ELMO3: variants seen among roughly 807,000 people sequenced by gnomAD.
ELMO3 encodes engulfment and cell motility protein 3.
Under a neutral mutation model 89.0 loss-of-function variants are expected in ELMO3, and 81 were observed. That is an observed-to-expected ratio of 0.91 (90% CI 0.76 to 1.09). The LOEUF (loss-of-function observed/expected upper bound fraction) is 1.09, where lower values mean the gene tolerates loss of function less well. Among genes scored for constraint, ELMO3 ranks in the 50% least tolerant of loss-of-function variants. The pLI, the probability that ELMO3 is intolerant of heterozygous loss-of-function variation, is 0.00. For missense variants in ELMO3, 959 were observed against 972.8 expected, an observed-to-expected ratio of 0.99 and a Z score of 0.19; for synonymous variants, 406 against 400.6, an observed-to-expected ratio of 1.01 and a Z score of -0.16.
Position 67,199,376 on chromosome 16 carries a change from C to G in ELMO3, c.50C>G (p.Ala17Gly), listed in dbSNP as rs368560421. 7.5e-6 allele frequency: 12 copies of G among 1,608,366 alleles called. No homozygotes were observed. The highest frequency in any genetic ancestry group is 1.0e-5 in the Non-Finnish European group (12 of 1,179,124). ...AAGATTGCCATCAAGATGCGTGACG[C>G]CATCCCGCAGCTCATCCAGCTGGAC... ...VVKIAIKMRD[A>G]IPQLIQLDQA... Residue 17 changes from alanine to glycine, a missense_variant, in exon 1 of 20, where the codon GCC (alanine) becomes GGC (glycine). Physicochemically the swap from Ala to Gly is moderately conservative, Grantham distance 60. Transcript: ENST00000393997.
chr16:67,199,744 C>T lies in ELMO3; in HGVS notation c.180C>T (p.Tyr60=), dbSNP rs201581051. Residue 60 remains tyrosine, a synonymous_variant, in exon 3 of 20, where the codon TAC becomes TAT. Transcript: ENST00000393997. ...ALQFADGHRR[Y]ITENNRAEIK... Reference sequence around the variant, plus strand: ...AGTTTGCGGATGGGCACCGGAGATACATCACCGAGAATGTGAGTCCCCTCT... The same window carrying T: ...AGTTTGCGGATGGGCACCGGAGATATATCACCGAGAATGTGAGTCCCCTCT... 19 of 1,611,086 alleles carry T rather than the reference C, an allele frequency of 1.2e-5. No individual in the cohort carries two copies. The highest frequency in any genetic ancestry group is 3.3e-4 in the Middle Eastern group (2 of 6,084).
intron 8 of ELMO3, 48 bp from the exon 9 acceptor site, chr16:67,201,337 G>A (rs780103426): frequency 1.4e-5 from 22 of 1,610,838 alleles, no homozygotes; most frequent in South Asian, 7.7e-5. Flanking sequence ...GATTACAGGC[G>A]TGAGCCACCG....
chr16:67,201,477 C>T (rs2033107331), intron 9 of ELMO3, 42 bp downstream of exon 9: 1 of 1,614,000 alleles, frequency 6.2e-7, no homozygotes, highest in East Asian at 2.2e-5. Flanking sequence ...GCCCCTCCCT[C>T]CCCGTGAGCC....
At position 67,203,291 on chromosome 16, in the gene ELMO3, A is replaced by G. The variant is rs779056003; in HGVS notation, c.1781-36A>G. 2.5e-6 allele frequency: 4 copies of G among 1,588,482 alleles called. No homozygotes were observed. In the Admixed American group the frequency reaches 7.0e-5, roughly 28 times the overall value. On this transcript the variant is annotated intron_variant, in intron 17 of 19. Transcript: ENST00000393997. The surrounding 1 kb of genome is among the most constrained non-coding windows in gnomAD (Gnocchi z 4.6). ...GACCGCCCTGGGCCCCGGGGCTGCC[A>G]GGGCTGCAGTGCTCAGCCCAGCCTT...
chr16:67,202,247 G>T lies in ELMO3; in HGVS notation c.1224G>T (p.Thr408=), dbSNP rs750693515. 6.2e-7 allele frequency: 1 copy of T among 1,605,144 alleles called. No individual in the cohort carries two copies. Among genetic ancestry groups the T allele is most frequent in the Non-Finnish European group, 8.5e-7 (1 of 1,173,790 alleles). Residue 408 remains threonine, a synonymous_variant, in exon 13 of 20, where the codon ACG becomes ACT. Coordinates refer to ENST00000393997, the MANE Select transcript of ELMO3 (RefSeq NM_024712.5). ...CPFARGSIQL[T]VLLCELLRVG... ...TTGCCCGGGGCAGCATCCAGCTGAC[G>T]GTGCTGCTGTGTGAGCTGCTCCGTG... is the stretch of plus-strand genomic sequence containing the variant.
rs2033163901 is a variant in ELMO3, at chr16:67,203,116, C to A, written c.1676-3C>A. The A allele has an allele frequency of 2.5e-6, 4 of 1,607,372 alleles. No individual in the cohort carries two copies. Among genetic ancestry groups the A allele is most frequent in the Non-Finnish European group, 3.4e-6 (4 of 1,177,508 alleles). On this transcript the variant is annotated splice_polypyrimidine_tract_variant and splice_region_variant and intron_variant, in intron 16 of 19. Coordinates refer to ENST00000393997, the MANE Select transcript of ELMO3 (RefSeq NM_024712.5). This position sits in a 1 kb window ranked among gnomAD's most constrained non-coding sequence, Gnocchi z 4.6. ...TCTGGCCCTCTTCCCTTTCTCCACGCAGATAAGCTGTGGTTCTGCTGCCTG... is the reference window on the plus strand; with the variant it reads ...TCTGGCCCTCTTCCCTTTCTCCACGAAGATAAGCTGTGGTTCTGCTGCCTG...
intron 1 of ELMO3, 50 bp downstream of exon 1, chr16:67,199,454 T>C (rs2033043566): frequency 1.3e-6 from 2 of 1,593,916 alleles, no homozygotes; most frequent in African/African-American, 1.3e-5. Context: ...CACCTCCCGG[T>C]AGCCCCCTGG....
chr16:67,203,853 T>C lies in ELMO3; in HGVS notation c.2139T>C (p.Tyr713=). Residue 713 remains tyrosine (Y), a synonymous_variant, in exon 20 of 20, where the codon TAT becomes TAC. Transcript: ENST00000393997. This position sits in a 1 kb window ranked among gnomAD's most constrained non-coding sequence, Gnocchi z 4.6. ...PPPPTNFNFC[Y]DCSIAEP ...CCCCCACCAACTTCAACTTCTGCTA[T>C]GACTGCAGCATCGCTGAACCTTGAC... The C allele has an allele frequency of 6.3e-7, 1 of 1,593,242 alleles. No homozygotes were observed. Among genetic ancestry groups the C allele is most frequent in the Non-Finnish European group, 8.6e-7 (1 of 1,169,240 alleles).
In ELMO3 at chr16:67,199,875, G is replaced by A. The variant is rs964631314; in HGVS notation, c.193-76G>A. 5.6e-6 allele frequency: 9 copies of A among 1,607,920 alleles called. No individual in the cohort carries two copies. The East Asian group carries it at 6.7e-5, about 12-fold the overall frequency. On this transcript the variant is annotated intron_variant, in intron 3 of 19. Coordinates refer to ENST00000393997, the MANE Select transcript of ELMO3 (RefSeq NM_024712.5). ...CGCGATCTGTTATTCACCCCCAGCC[G>A]CCCTCACCGACACCCCAGTTGATCA...
At position 67,202,421 on chromosome 16, in the gene ELMO3, C is replaced by A; in HGVS notation, c.1286C>A (p.Ser429Ter). The change falls in exon 14 of 20, where the codon TCA becomes TAA. Residue 429 changes from serine (S) to a stop codon, truncating the protein, a stop_gained. Transcript: ENST00000393997. LOFTEE classifies it high-confidence loss of function. Reference sequence around the variant, plus strand: ...GGCTCTGAGACAGCCCAGGACTTCTCACCCATGTTCTTCGGCCAAGACCAG... The same window carrying A: ...GGCTCTGAGACAGCCCAGGACTTCTAACCCATGTTCTTCGGCCAAGACCAG... ...EPCSETAQDF[S>*]PMFFGQDQSF... 6.2e-7 allele frequency: 1 copy of A among 1,613,900 alleles called. No homozygotes were observed. Among genetic ancestry groups the A allele is most frequent in the Non-Finnish European group, 8.5e-7 (1 of 1,180,028 alleles).
rs2033042109 is a variant in ELMO3, at chr16:67,199,400, A to C, written c.74A>C (p.Asp25Ala). 6.2e-7 allele frequency: 1 copy of C among 1,606,156 alleles called. No homozygotes were observed. Among genetic ancestry groups the C allele is most frequent in the East Asian group, 2.2e-5 (1 of 44,852 alleles). ...GCCATCCCGCAGCTCATCCAGCTGGACCAGGTCACCCGGCTGGTCCCGCCT... is the reference window on the plus strand; with the variant it reads ...GCCATCCCGCAGCTCATCCAGCTGGCCCAGGTCACCCGGCTGGTCCCGCCT... ...RDAIPQLIQL[D>A]QAKPLAAVLK... Residue 25 changes from aspartate (D) to alanine (A), a missense_variant, in exon 1 of 20, where the codon GAC (aspartate) becomes GCC (alanine). Asp to Ala is a moderately radical substitution (Grantham distance 126). Coordinates refer to ENST00000393997, the MANE Select transcript of ELMO3 (RefSeq NM_024712.5).
At chr16:67,202,570 C>G (rs566724351) in intron 14 of ELMO3, 37 bp downstream of exon 14, 1 of 1,612,322 alleles carries the variant, frequency 6.2e-7, no homozygotes, top group African/African-American at 1.3e-5. Context: ...TGGGCCAGGG[C>G]AGGGGGCTGA....
At chr16:67,202,112 A>G in intron 12 of ELMO3, 34 bp downstream of exon 12, 1 of 1,610,414 alleles carries the variant, frequency 6.2e-7, no homozygotes, top group Non-Finnish European at 8.5e-7. Flanking sequence ...GGGTGGCAGC[A>G]TCCCCCAGGC....
In ELMO3 at chr16:67,201,043, GCCC is replaced by G. The variant is rs151246709; in HGVS notation, c.744+79_744+81del. 10 of 1,380,898 alleles carry G rather than the reference GCCC, an allele frequency of 7.2e-6. No homozygotes were observed. The South Asian group carries it at 8.2e-5, about 11-fold the overall frequency. 85.5% of individuals were successfully genotyped at this position (1,380,898 alleles called of 1,614,324 possible). ...CCCACCCTGAAGCAAAATCCTCTAA[GCCC>G]CCCTTTTTTTTTTTTTTGAGATGGA... On this transcript the variant is annotated intron_variant, in intron 8 of 19. Transcript: ENST00000393997.
rs1395642067 is a variant in ELMO3 at position 67,203,390 on chromosome 16, G to A, written c.1844G>A (p.Gly615Asp). ...GACTGCCCCCATGTCCGGGAGAAGGGCTCCGGGAAGCAGAACAAGGTGAGT... is the reference window on the plus strand; with the variant it reads ...GACTGCCCCCATGTCCGGGAGAAGGACTCCGGGAAGCAGAACAAGGTGAGT... Reference protein sequence around the residue: ...GKDCPHVREKGSGKQNKDLYE... With the variant: ...GKDCPHVREKDSGKQNKDLYE... Residue 615 changes from glycine (G) to aspartate (D), a missense_variant, in exon 18 of 20, where the codon GGC becomes GAC. By Grantham distance (94) the Gly-to-Asp change is moderately conservative. Coordinates refer to ENST00000393997, the MANE Select transcript of ELMO3 (RefSeq NM_024712.5). This position sits in a 1 kb window ranked among gnomAD's most constrained non-coding sequence, Gnocchi z 4.6. 6.2e-7 allele frequency: 1 copy of A among 1,611,414 alleles called. No individual in the cohort carries two copies. The highest frequency in any genetic ancestry group is 1.1e-5 in the South Asian group (1 of 90,806).
chr16:67,202,741 C>G lies in ELMO3; in HGVS notation c.1513C>G (p.Arg505Gly), dbSNP rs745521301. Residue 505 changes from arginine (R) to glycine (G), a missense_variant, in exon 15 of 20, where the codon CGG becomes GGG. Transcript: ENST00000393997. ...CACTTATGGGGAGGTGCTGCGGCTG[C>G]GGCAGACTGAACGGCTGCACCAGGA... ...ALTYGEVLRLRQTERLHQEGT... is the reference protein window; with the variant it reads ...ALTYGEVLRLGQTERLHQEGT... The G allele has an allele frequency of 6.2e-7, 1 of 1,613,600 alleles. No individual in the cohort carries two copies. Among genetic ancestry groups the G allele is most frequent in the Non-Finnish European group, 8.5e-7 (1 of 1,179,984 alleles).
rs780235444 is a variant in ELMO3 at position 67,199,734 on chromosome 16, A to G, written c.170A>G (p.His57Arg). The stretch of plus-strand genomic sequence containing the variant: ...TACGCCCTGCAGTTTGCGGATGGGC[A>G]CCGGAGATACATCACCGAGAATGTG... ...ERYALQFADG[H>R]RRYITENNRA... is the part of the protein sequence containing the mutation. The change falls in exon 3 of 20, where the codon CAC becomes CGC. Residue 57 changes from histidine to arginine, a missense_variant. By Grantham distance (29) the His-to-Arg change is conservative. Coordinates refer to ENST00000393997, the MANE Select transcript of ELMO3 (RefSeq NM_024712.5). 1.2e-6 allele frequency: 2 copies of G among 1,611,310 alleles called. No homozygotes were observed. The highest frequency in any genetic ancestry group is 1.1e-5 in the South Asian group (1 of 90,948).
In ELMO3 at chr16:67,203,786, A is replaced by G. The variant is rs2033183984; in HGVS notation, c.2072A>G (p.Glu691Gly). ...ACCAAGCTGCGTCTGCTGGAGCTGG[A>G]GAACGTGCCCATCCCCGAGCGGCCA... ...METKLRLLEL[E>G]NVPIPERPPP... Residue 691 changes from glutamate to glycine, a missense_variant, in exon 20 of 20, where the codon GAG becomes GGG. Transcript: ENST00000393997. This position sits in a 1 kb window ranked among gnomAD's most constrained non-coding sequence, Gnocchi z 4.6. The G allele has an allele frequency of 1.9e-6, 3 of 1,612,880 alleles. No individual in the cohort carries two copies. The highest frequency in any genetic ancestry group is 2.5e-6 in the Non-Finnish European group (3 of 1,179,882).
intron 8 of ELMO3, 23 bp downstream of exon 8, chr16:67,200,991 A>C: frequency 2.5e-6 from 4 of 1,581,228 alleles, no homozygotes; most frequent in Non-Finnish European, 3.4e-6. Flanking sequence ...CGGTGGCTAG[A>C]TGGGGGCAGC....
Sources: allele counts gnomAD v4.1 joint callset, GRCh38; gene constraint gnomAD v4.1.1; non-coding constraint Gnocchi (gnomAD v3.1); transcripts MANE v1.5; gene names NCBI Gene and HGNC (gene_info 2026-07-23, HGNC 2026-07-21).